CLIC5: variants seen among roughly 807,000 people sequenced by gnomAD.
CLIC5 encodes chloride intracellular channel protein 5.
CLIC5 carries 20 observed loss-of-function variants against 24.7 expected under a neutral mutation model. The ratio of observed to expected loss-of-function variants is 0.81; its 90% CI spans 0.57 to 1.18. CLIC5 has a LOEUF of 1.18. CLIC5 is among the 50% of genes most tolerant of loss of function. The probability of loss-of-function intolerance (pLI) is 0.00; values close to 1 mark genes in which losing one functional copy is unlikely to be tolerated. For synonymous variants in CLIC5, 159 were observed against 135.6 expected, an observed-to-expected ratio of 1.17 and a Z score of -1.20; for missense variants, 341 against 326.1, an observed-to-expected ratio of 1.05 and a Z score of -0.35.
intron 6 of CLIC5, chr6:45,883,620 A>G (rs1382916033): frequency 6.6e-6 from 1 of 152,380 alleles, no homozygotes; most frequent in Non-Finnish European, 1.5e-5. Flanking sequence ...AGAAAAAAGC[A>G]AAACACTGCC....
chr6:46,059,930 T>C (rs1762199260), intron 1 of CLIC5, among the ~76,000 whole-genome samples: 1 of 152,238 alleles, frequency 6.6e-6, no homozygotes, highest in Non-Finnish European at 1.5e-5. Flanking sequence ...TTTCTTGTAG[T>C]AGTTTCATAG....
chr6:45,947,963 T>C (rs1459254890), intron 3 of CLIC5, among the ~76,000 whole-genome samples: 1 of 152,222 alleles, frequency 6.6e-6, no homozygotes, highest in African/African-American at 2.4e-5. Flanking sequence ...TAAGGAAGAA[T>C]ATATGATTGT....
intron 1 of CLIC5, among the ~76,000 whole-genome samples, chr6:46,006,876 C>A (rs1766605355): frequency 6.6e-6 from 1 of 151,944 alleles, no homozygotes; most frequent in Admixed American, 6.6e-5. Context: ...GGCGTTTCAC[C>A]ATGTTGGCCA....
intron 4 of CLIC5, among the ~76,000 whole-genome samples, chr6:45,940,532 A>G (rs1181295134): frequency 6.6e-6 from 1 of 152,246 alleles, no homozygotes; most frequent in Non-Finnish European, 1.5e-5. Context: ...CTTGATCCAA[A>G]GAGATGCTAT....
At chr6:45,905,103 T>C (rs527604073) in intron 5 of CLIC5, among the ~76,000 whole-genome samples, 1 of 152,334 alleles carries the variant, frequency 6.6e-6, no homozygotes, top group East Asian at 1.9e-4. Flanking sequence ...ATATGTACCA[T>C]GTTTTGTTTA....
chr6:46,004,181 G>C (rs554850744), intron 1 of CLIC5, among the ~76,000 whole-genome samples: 18 of 152,228 alleles, frequency 1.2e-4, no homozygotes, highest in African/African-American at 4.3e-4. Context: ...TAAGTGGACA[G>C]TATTAAGCAT....
At position 45,959,978 on chromosome 6, in the gene CLIC5, A is replaced by G. The variant is rs1170033573; in HGVS notation, c.64-4734T>C. 2.0e-5 allele frequency among the ~76,000 whole-genome samples: 3 copies of G among 151,806 alleles called. No homozygotes were observed. The East Asian group carries it at 5.8e-4, about 29-fold the overall frequency. ...TAGTCACACTTATACCACTGCTTGG[A>G]TTTGTGCTGAAACACTAGTAAACTT... On this transcript the variant is annotated intron_variant, in intron 1 of 5. Transcript: ENST00000339561.
upstream of CLIC5, among the ~76,000 whole-genome samples, chr6:46,017,048 T>C (rs1767036737): frequency 1.3e-5 from 2 of 152,244 alleles, no homozygotes; most frequent in Non-Finnish European, 2.9e-5. Flanking sequence ...CTCTTGGATG[T>C]ATACTTAGGA....
chr6:46,073,481 T>A (rs1029420690), intron 1 of CLIC5, among the ~76,000 whole-genome samples: 1 of 152,220 alleles, frequency 6.6e-6, no homozygotes, highest in Non-Finnish European at 1.5e-5. Context: ...GTTAATGATA[T>A]ATGATATATT....
chr6:46,015,401 T>C, intron 1 of CLIC5, 79 bp downstream of exon 1: 1 of 1,381,058 alleles, frequency 7.2e-7, no homozygotes, highest in Non-Finnish European at 9.6e-7. Context: ...GGGTCCGGAG[T>C]CCAGCGCACC....
chr6:46,030,354 C>T (rs1231500105), intron 1 of CLIC5, among the ~76,000 whole-genome samples: 1 of 152,064 alleles, frequency 6.6e-6, no homozygotes, highest in Non-Finnish European at 1.5e-5. Context: ...GATCTCTCTA[C>T]CCTTCATCCT....
intron 1 of CLIC5, among the ~76,000 whole-genome samples, chr6:45,962,427 C>G (rs148117362): frequency 6.9e-6 from 1 of 145,666 alleles, no homozygotes; most frequent in East Asian, 2.0e-4. Flanking sequence ...CCTACCCACA[C>G]TATAAAGGGC....
At chr6:46,017,912 G>A (rs1049625127), upstream of CLIC5, among the ~76,000 whole-genome samples, 1 of 152,198 alleles carries the variant, frequency 6.6e-6, no homozygotes, top group Non-Finnish European at 1.5e-5. Flanking sequence ...GAAGAAAGCA[G>A]TCACCAAGCC....
intron 4 of CLIC5, chr6:45,920,077 C>T (rs1763194694): frequency 2.7e-6 from 2 of 743,016 alleles, no homozygotes; most frequent in Non-Finnish European, 3.3e-6. Context: ...GTTCTCATTC[C>T]CCTGACAAAA....
the CLIC5 span, among the ~76,000 whole-genome samples, chr6:46,090,419 T>C: frequency 6.6e-6 from 1 of 151,788 alleles, no homozygotes; most frequent in East Asian, 1.9e-4. Context: ...TTTTTTTTTT[T>C]CCACTTCCCA....
intron 2 of CLIC5, among the ~76,000 whole-genome samples, chr6:45,953,441 G>A (rs1764535558): frequency 6.6e-6 from 1 of 152,128 alleles, no homozygotes; most frequent in African/African-American, 2.4e-5. Context: ...ATGGGCTGAA[G>A]CTGAGCCTGG....
intron 4 of CLIC5, chr6:45,914,675 G>A: frequency 2.3e-6 from 1 of 437,006 alleles, no homozygotes; most frequent in Non-Finnish European, 3.2e-6. Flanking sequence ...AACACAGTCT[G>A]GGTGTGGTGG....
chr6:45,912,690 A>G, intron 5 of CLIC5: 2 of 1,535,166 alleles, frequency 1.3e-6, no homozygotes, highest in Non-Finnish European at 8.7e-7. Flanking sequence ...TCACTCTGAC[A>G]CAGTGTGACT....
Position 45,898,945 on chromosome 6 carries a change from T to C in CLIC5, c.*4143A>G, listed in dbSNP as rs1128514. On this transcript the variant is annotated 3_prime_UTR_variant, in exon 6 of 6. Coordinates refer to ENST00000339561, the MANE Select transcript of CLIC5 (RefSeq NM_016929.5). Reference sequence around the variant, plus strand: ...AACACAGAATAGCCCAAACCTTATATTGAGGCAACGTATTTTATTTATTTT... The same window carrying C: ...AACACAGAATAGCCCAAACCTTATACTGAGGCAACGTATTTTATTTATTTT... The C allele has an allele frequency of 0.13, 19,264 of 152,294 alleles. 1,996 individuals are homozygous for C. Among genetic ancestry groups the C allele is most frequent in the African/African-American group, 0.28 (11,567 of 41,522 alleles). The allele number at this position is 152,294 out of a possible 1,614,324, so 9.4% of individuals were successfully genotyped here.
Sources: allele counts gnomAD v4.1 joint callset (sites outside exome capture counted in the v4.1 genomes callset), GRCh38; gene constraint gnomAD v4.1.1; transcripts MANE v1.5; gene names NCBI Gene and HGNC (gene_info 2026-07-23, HGNC 2026-07-21).